Variants in CCSER1 observed in about 807,000 individuals in gnomAD.
The protein encoded by CCSER1 is serine-rich coiled-coil domain-containing protein 1.
Under a neutral mutation model 82.0 loss-of-function variants are expected in CCSER1, and 41 were observed. That is an observed-to-expected ratio of 0.50 (90% confidence interval 0.39 to 0.65). The LOEUF is 0.65. Ranked by LOEUF, CCSER1 falls within the 30% of genes least tolerant of loss-of-function variation. CCSER1 has a pLI of 0.00. For synonymous variants in CCSER1, 414 were observed against 383.9 expected (o/e 1.08, Z -0.92); for missense variants, 1,119 against 1,064.2 (o/e 1.05, Z -0.72).
At chr4:90,810,679 A>AACAACC (rs1758144720) in intron 7 of CCSER1, among the ~76,000 whole-genome samples, 1 of 150,778 alleles carries the variant, frequency 6.6e-6, no homozygotes, top group African/African-American at 2.4e-5. Context: ...CAACAACAAC[A>AACAACC]ACCAAAACTA....
At chr4:90,154,938 G>C (rs1727749837) in intron 1 of CCSER1, among the ~76,000 whole-genome samples, 1 of 152,116 alleles carries the variant, frequency 6.6e-6, no homozygotes, top group Non-Finnish European at 1.5e-5. Context: ...TGGTGAGAGA[G>C]GGCATCCTTG....
At chr4:90,182,340 G>C (rs1289888359) in intron 1 of CCSER1, among the ~76,000 whole-genome samples, 3 of 151,998 alleles carry the variant, frequency 2.0e-5, no homozygotes, top group Non-Finnish European at 2.9e-5. Context: ...GTATGATTAT[G>C]ATGAATGGAA....
At chr4:90,916,353 A>G (rs1727417005) in intron 8 of CCSER1, among the ~76,000 whole-genome samples, 1 of 152,212 alleles carries the variant, frequency 6.6e-6, no homozygotes, top group Non-Finnish European at 1.5e-5. Flanking sequence ...CCTCAGATAT[A>G]ATGCCACATA....
intron 10 of CCSER1, among the ~76,000 whole-genome samples, chr4:91,217,143 G>GTT (rs143453007): frequency 0.016 from 2,469 of 152,264 alleles, 67 homozygotes; most frequent in African/African-American, 0.056. Flanking sequence ...CACGGTGAGT[G>GTT]TTACAGCTCT....
chr4:91,076,865 G>T (rs1435173751), intron 9 of CCSER1, among the ~76,000 whole-genome samples: 2 of 152,156 alleles, frequency 1.3e-5, no homozygotes, highest in African/African-American at 2.4e-5. Flanking sequence ...TAACTTCATG[G>T]TATTCAAATT....
chr4:90,691,531 C>T (rs957952185), intron 6 of CCSER1, among the ~76,000 whole-genome samples: 17 of 148,086 alleles, frequency 1.1e-4, no homozygotes, highest in South Asian at 4.4e-4. Context: ...ACATATCACA[C>T]GTATAATACA....
chr4:90,187,286 T>C (rs556463218), intron 1 of CCSER1, among the ~76,000 whole-genome samples: 4 of 152,044 alleles, frequency 2.6e-5, no homozygotes, highest in Non-Finnish European at 4.4e-5. Context: ...TTTATTTCAT[T>C]CTTAGTGATG....
At position 91,513,010 on chromosome 4, in the gene CCSER1, G is replaced by A. The variant is rs184340404; in HGVS notation, c.2218-85562G>A. Among the ~76,000 whole-genome samples, 245 of 152,134 alleles carry A rather than the reference G, an allele frequency of 1.6e-3. 2 individuals are homozygous for A. The highest frequency in any genetic ancestry group is 5.7e-3 in the African/African-American group (235 of 41,500). On this transcript the variant is annotated intron_variant, in intron 10 of 10. Coordinates refer to ENST00000509176, the MANE Select transcript of CCSER1 (RefSeq NM_001145065.2). ...GGATTTCCAGTATTGTGTTAAATAG[G>A]AGTGGTGAGAGTGGGCATCCTTGTT...
intron 10 of CCSER1, among the ~76,000 whole-genome samples, chr4:91,330,694 G>A (rs1040749265): frequency 6.6e-6 from 1 of 152,150 alleles, no homozygotes; most frequent in East Asian, 1.9e-4. Flanking sequence ...TTGCCCTGGA[G>A]AAGTAGTGGC....
chr4:90,224,845 A>G (rs1328687939), intron 1 of CCSER1, among the ~76,000 whole-genome samples: 1 of 152,154 alleles, frequency 6.6e-6, no homozygotes, highest in African/African-American at 2.4e-5. Flanking sequence ...CCTAATTCTT[A>G]TTAGTATATT....
At chr4:90,431,273 G>T (rs1031067662) in intron 4 of CCSER1, among the ~76,000 whole-genome samples, 1 of 152,058 alleles carries the variant, frequency 6.6e-6, no homozygotes, top group Admixed American at 6.6e-5. Flanking sequence ...AATCTCAGCT[G>T]TTAGTGAAGT....
chr4:91,498,603 T>C (rs1357839617), intron 10 of CCSER1, among the ~76,000 whole-genome samples: 2 of 151,638 alleles, frequency 1.3e-5, no homozygotes, highest in African/African-American at 4.8e-5. Flanking sequence ...AATTAATAGG[T>C]TTATTTATCT....
intron 10 of CCSER1, among the ~76,000 whole-genome samples, chr4:91,136,743 T>C (rs925154275): frequency 6.6e-6 from 1 of 152,166 alleles, no homozygotes; most frequent in African/African-American, 2.4e-5. Context: ...TCAAAATCTA[T>C]TTATTCATTT....
At chr4:90,135,419 G>GA (rs1723507097) in intron 1 of CCSER1, among the ~76,000 whole-genome samples, 1 of 151,820 alleles carries the variant, frequency 6.6e-6, no homozygotes, top group Admixed American at 6.6e-5. Context: ...TCCTGCCTCT[G>GA]AAACAACCTC....
intron 10 of CCSER1, among the ~76,000 whole-genome samples, chr4:91,504,754 CAAACA>C (rs1759396899): frequency 6.6e-6 from 1 of 151,916 alleles, no homozygotes; most frequent in Non-Finnish European, 1.5e-5. Flanking sequence ...TGAATACAAC[CAAACA>C]AAACATGACT....
intron 8 of CCSER1, chr4:90,838,989 T>A: frequency 6.2e-7 from 1 of 1,613,030 alleles, no homozygotes; most frequent in East Asian, 2.2e-5. Context: ...TTCTTCAGTT[T>A]CGGCTTATCG....
At chr4:91,171,402 A>G (rs1732739858) in intron 10 of CCSER1, among the ~76,000 whole-genome samples, 1 of 152,228 alleles carries the variant, frequency 6.6e-6, no homozygotes, top group Admixed American at 6.5e-5. Flanking sequence ...GTTTCTCTTG[A>G]GTAGTCTAGC....
intron 9 of CCSER1, 114 bp from the exon 10 acceptor site, chr4:91,085,833 ATCT>A (rs1723331670): frequency 1.2e-5 from 8 of 671,482 alleles, no homozygotes; most frequent in South Asian, 3.7e-5. Context: ...CTATATTCAG[ATCT>A]TCTTTGTTAC....
chr4:90,354,923 G>T (rs889305741), intron 3 of CCSER1, among the ~76,000 whole-genome samples: 1 of 151,606 alleles, frequency 6.6e-6, no homozygotes, highest in Non-Finnish European at 1.5e-5. Flanking sequence ...GTTGTGTTTT[G>T]TAACTAGAAA....
Sources: gnomAD v4.1 joint callset for allele counts (sites outside exome capture counted in the v4.1 genomes callset) on GRCh38, gnomAD v4.1.1 for gene constraint, MANE v1.5 for transcripts, NCBI Gene and HGNC (gene_info 2026-07-23, HGNC 2026-07-21) for gene names.